Variants in M1AP observed in about 807,000 individuals in gnomAD.
M1AP encodes meiosis 1 associated protein, also known as meiosis 1 arrest protein.
M1AP carries 39 observed loss-of-function variants against 51.2 expected under a neutral mutation model. The observed-to-expected ratio is 0.76, with a 90% CI of 0.59 to 1.00. M1AP has a LOEUF of 1.00. Ranked by LOEUF, M1AP falls within the 50% of genes least tolerant of loss-of-function variation. The pLI is 0.00. For missense variants in M1AP, 545 were observed against 641.2 expected, an observed-to-expected ratio of 0.85 and a Z score of 1.62; for synonymous variants, 251 against 249.2, an observed-to-expected ratio of 1.01 and a Z score of -0.07.
intron 3 of M1AP, among the ~76,000 whole-genome samples, chr2:74,613,992 G>A (rs1681519562): frequency 6.6e-6 from 1 of 152,154 alleles, no homozygotes; most frequent in Admixed American, 6.5e-5. Context: ...TTGCTATGCT[G>A]TCCAGGCTGC....
At chr2:74,633,152 G>A (rs58165116) in intron 2 of M1AP, among the ~76,000 whole-genome samples, 6,757 of 152,142 alleles carry the variant, frequency 0.044, 505 homozygotes, top group African/African-American at 0.15. Flanking sequence ...GCATGTGGGA[G>A]GAAAGTGAGG....
intron 5 of M1AP, among the ~76,000 whole-genome samples, chr2:74,579,185 A>C (rs995654947): frequency 6.6e-6 from 1 of 152,256 alleles, no homozygotes; most frequent in Non-Finnish European, 1.5e-5. Context: ...AGCTTTGGAA[A>C]GACAGAGGGG....
intron 7 of M1AP, among the ~76,000 whole-genome samples, chr2:74,571,939 T>C (rs550362689): frequency 4.2e-4 from 63 of 150,182 alleles, no homozygotes; most frequent in Non-Finnish European, 7.1e-4. Flanking sequence ...GAGGTTGTGA[T>C]GAGCCAAGAT....
At chr2:74,571,925 G>A (rs1309196851) in intron 7 of M1AP, among the ~76,000 whole-genome samples, 2 of 152,056 alleles carry the variant, frequency 1.3e-5, no homozygotes, top group African/African-American at 4.8e-5. Flanking sequence ...GAACCCAGGA[G>A]GTGGAGGTTG....
chr2:74,628,641 T>C, intron 2 of M1AP: 1 of 688,242 alleles, frequency 1.5e-6, no homozygotes. Flanking sequence ...CCAATGGTTC[T>C]TTCCATCTTC....
chr2:74,608,504 T>C (rs763260380), intron 3 of M1AP, among the ~76,000 whole-genome samples: 2 of 152,252 alleles, frequency 1.3e-5, no homozygotes, highest in Non-Finnish European at 1.5e-5. Flanking sequence ...ACATCTTGGT[T>C]GCTTCCAAGT....
intron 2 of M1AP, chr2:74,615,688 A>G (rs187471139): frequency 6.5e-6 from 1 of 153,818 alleles, no homozygotes; most frequent in African/African-American, 2.4e-5. Context: ...CAGCTTAAGG[A>G]GCCAACATGT....
At chr2:74,624,606 A>G (rs916862980) in intron 2 of M1AP, among the ~76,000 whole-genome samples, 2 of 152,204 alleles carry the variant, frequency 1.3e-5, no homozygotes, top group Admixed American at 6.5e-5. Flanking sequence ...CCCTATATAT[A>G]AATTGGTATT....
intron 1 of M1AP, among the ~76,000 whole-genome samples, chr2:74,646,154 C>A (rs1212167944): frequency 2.0e-5 from 3 of 152,208 alleles, no homozygotes; most frequent in Non-Finnish European, 4.4e-5. Flanking sequence ...CCCGTCACTG[C>A]AGATCCATTA....
At chr2:74,621,514 G>A (rs1348708704) in intron 2 of M1AP, among the ~76,000 whole-genome samples, 1 of 152,004 alleles carries the variant, frequency 6.6e-6, no homozygotes, top group East Asian at 1.9e-4. Flanking sequence ...GGCCGGGCGC[G>A]GTGGCTCACG....
intron 2 of M1AP, among the ~76,000 whole-genome samples, chr2:74,625,650 C>G (rs532893565): frequency 6.6e-6 from 1 of 152,292 alleles, no homozygotes; most frequent in Admixed American, 6.5e-5. Context: ...TAAAGAGGCT[C>G]TCCTATTGTT....
intron 2 of M1AP, chr2:74,618,942 C>A: frequency 1.9e-6 from 1 of 534,850 alleles, no homozygotes. Flanking sequence ...ATTTCCTCTG[C>A]CACTCTTGTG....
At chr2:74,599,246 T>C (rs1408353753) in intron 4 of M1AP, among the ~76,000 whole-genome samples, 2 of 152,136 alleles carry the variant, frequency 1.3e-5, no homozygotes, top group African/African-American at 2.4e-5. Flanking sequence ...GCGACTGCAG[T>C]CCAGTTTGAG....
intron 4 of M1AP, among the ~76,000 whole-genome samples, chr2:74,591,462 G>A (rs1200756658): frequency 1.3e-5 from 2 of 152,178 alleles, no homozygotes; most frequent in Non-Finnish European, 2.9e-5. Context: ...AGCATTTAAT[G>A]TAAATTGCAA....
At chr2:74,631,008 G>A (rs540348817) in intron 2 of M1AP, among the ~76,000 whole-genome samples, 21 of 151,990 alleles carry the variant, frequency 1.4e-4, no homozygotes, top group Non-Finnish European at 2.4e-4. Flanking sequence ...GCAATTGATC[G>A]TAATTCTCTT....
chr2:74,581,753 A>C lies in M1AP; in HGVS notation c.690T>G (p.Ser230Arg), dbSNP rs1438483551. 6.2e-7 allele frequency: 1 copy of C among 1,614,126 alleles called. No homozygotes were observed. Among genetic ancestry groups the C allele is most frequent in the African/African-American group, 1.3e-5 (1 of 75,072 alleles). Reference protein sequence around the residue: ...EIFFKAWLHNSGTDQEQIHLL... With the variant: ...EIFFKAWLHNRGTDQEQIHLL... ...GATGGATTTGTTCTTGGTCTGTTCC[A>C]CTGTTATGTAGCCAGGCTTTGAAGA... The change falls in exon 5 of 11, where the codon AGT becomes AGG. Residue 230 changes from serine (S) to arginine (R), a missense_variant. Physicochemically the swap from Ser to Arg is moderately radical, Grantham distance 110. Transcript: ENST00000421985.
chr2:74,576,827 A>G (rs1438613440), intron 5 of M1AP: 5 of 1,308,126 alleles, frequency 3.8e-6, no homozygotes, highest in South Asian at 1.6e-5. Flanking sequence ...AAGCTATAGT[A>G]TCTCTATCGC....
intron 7 of M1AP, among the ~76,000 whole-genome samples, chr2:74,574,201 G>A (rs975871408): frequency 1.3e-5 from 2 of 152,176 alleles, no homozygotes; most frequent in Non-Finnish European, 2.9e-5. Flanking sequence ...ATCTGTCCTT[G>A]CATTCTATTT....
chr2:74,575,528 G>A lies in M1AP; in HGVS notation c.984C>T (p.Phe328=). The change falls in exon 7 of 11, where the codon TTC becomes TTT. Residue 328 remains phenylalanine, a synonymous_variant. Transcript: ENST00000421985. ...GCCAACAGCTTGTAGGTCTGAGGAT[G>A]AACGGGAGTCCATATGTCAATGACT... is the stretch of plus-strand genomic sequence containing the variant. ...LCESLTYGLP[F]ILRPTSCWQL... The A allele has an allele frequency of 6.2e-7, 1 of 1,614,172 alleles. No individual in the cohort carries two copies.
Sources: allele counts gnomAD v4.1 joint callset (sites outside exome capture counted in the v4.1 genomes callset), GRCh38; gene constraint gnomAD v4.1.1; transcripts MANE v1.5; gene names NCBI Gene and HGNC (gene_info 2026-07-23, HGNC 2026-07-21).